Variants in PALS2 observed in about 807,000 individuals in gnomAD.
The protein encoded by PALS2 is protein PALS2.
PALS2 carries 27 observed loss-of-function variants against 61.6 expected under a neutral mutation model. The observed-to-expected ratio is 0.44, with a 90% CI of 0.32 to 0.60. PALS2 has a LOEUF of 0.60. Ranked by LOEUF, PALS2 falls within the 20% of genes least tolerant of loss-of-function variation. The pLI is 0.05. For synonymous variants in PALS2, 236 were observed against 218.6 expected, an observed-to-expected ratio of 1.08 and a Z score of -0.70; for missense variants, 554 against 639.4, an observed-to-expected ratio of 0.87 and a Z score of 1.44.
chr7:24,634,049 T>C (rs1370364524), intron 2 of PALS2, among the ~76,000 whole-genome samples: 1 of 152,182 alleles, frequency 6.6e-6, no homozygotes, highest in Admixed American at 6.5e-5. Flanking sequence ...GTTTAGATTC[T>C]TTGCCCATGT....
At chr7:24,641,641 G>A (rs1243409923) in intron 2 of PALS2, 75 bp from the exon 3 acceptor site, 54 of 1,308,616 alleles carry the variant, frequency 4.1e-5, no homozygotes, top group Middle Eastern at 2.2e-4. Flanking sequence ...AAAACTTTAC[G>A]AAAAAGAAAT....
chr7:24,575,897 A>G (rs1405441137), intron 1 of PALS2, among the ~76,000 whole-genome samples: 1 of 152,230 alleles, frequency 6.6e-6, no homozygotes, highest in Non-Finnish European at 1.5e-5. Flanking sequence ...TGTAAAATTC[A>G]CATTAGGTAT....
intron 1 of PALS2, among the ~76,000 whole-genome samples, chr7:24,594,652 A>T (rs1056491796): frequency 1.3e-5 from 2 of 152,084 alleles, no homozygotes; most frequent in African/African-American, 4.8e-5. Flanking sequence ...CAGAACACAT[A>T]CATTTATCAG....
At chr7:24,686,501 T>C (rs1788211940) in intron 11 of PALS2, among the ~76,000 whole-genome samples, 1 of 152,216 alleles carries the variant, frequency 6.6e-6, no homozygotes, top group Non-Finnish European at 1.5e-5. Flanking sequence ...CTGACCTCCT[T>C]ATTTTCATTT....
At chr7:24,677,169 CTCTG>C (rs984541186) in intron 9 of PALS2, among the ~76,000 whole-genome samples, 26 of 151,968 alleles carry the variant, frequency 1.7e-4, no homozygotes, top group African/African-American at 5.8e-4. Flanking sequence ...TGATTTGGCT[CTCTG>C]TCTGTTGTTG....
At chr7:24,668,043 G>T (rs1787119533) in intron 8 of PALS2, among the ~76,000 whole-genome samples, 1 of 152,012 alleles carries the variant, frequency 6.6e-6, no homozygotes, top group Admixed American at 6.6e-5. Flanking sequence ...ACTGGGGCAG[G>T]CACAGTGGCT....
intron 3 of PALS2, among the ~76,000 whole-genome samples, chr7:24,646,972 A>G (rs959256898): frequency 6.6e-6 from 1 of 151,648 alleles, no homozygotes; most frequent in Non-Finnish European, 1.5e-5. Flanking sequence ...GGTTGTTTTT[A>G]TTTCTGTGGG....
intron 9 of PALS2, among the ~76,000 whole-genome samples, chr7:24,678,820 C>A (rs1787763316): frequency 6.6e-6 from 1 of 151,990 alleles, no homozygotes; most frequent in South Asian, 2.1e-4. Flanking sequence ...TAAAATATTC[C>A]CCTAAGGTAT....
intron 1 of PALS2, among the ~76,000 whole-genome samples, chr7:24,585,976 C>T (rs541629037): frequency 6.6e-6 from 1 of 152,218 alleles, no homozygotes; most frequent in Non-Finnish European, 1.5e-5. Context: ...CAAATTATCT[C>T]CAAAAAGAGC....
At chr7:24,666,218 A>C in intron 8 of PALS2, 129 bp downstream of exon 8, 1 of 708,120 alleles carries the variant, frequency 1.4e-6, no homozygotes, top group East Asian at 2.5e-5. Flanking sequence ...AGGGGCTGAC[A>C]TATGAACACA....
intron 1 of PALS2, among the ~76,000 whole-genome samples, chr7:24,587,785 C>T (rs1783129699): frequency 1.3e-5 from 2 of 152,104 alleles, no homozygotes; most frequent in Admixed American, 6.6e-5. Context: ...CATAAAAGAA[C>T]ACTATAGCAA....
intron 11 of PALS2, among the ~76,000 whole-genome samples, chr7:24,686,062 C>T (rs1788186262): frequency 6.6e-6 from 1 of 152,138 alleles, no homozygotes; most frequent in African/African-American, 2.4e-5. Flanking sequence ...AAATTATGCT[C>T]TCCCTACCCC....
chr7:24,626,284 C>T (rs1421595557), intron 2 of PALS2, among the ~76,000 whole-genome samples: 2 of 151,688 alleles, frequency 1.3e-5, no homozygotes, highest in East Asian at 1.9e-4. Flanking sequence ...TTAGAAAATA[C>T]TCAAGCAAAA....
chr7:24,585,391 T>A (rs948686645), intron 1 of PALS2, among the ~76,000 whole-genome samples: 3 of 152,184 alleles, frequency 2.0e-5, no homozygotes, highest in Admixed American at 1.3e-4. Flanking sequence ...CCCTTGTAAG[T>A]TGGATTCCTA....
At chr7:24,671,794 A>G (rs1461266355) in intron 9 of PALS2, among the ~76,000 whole-genome samples, 1 of 152,124 alleles carries the variant, frequency 6.6e-6, no homozygotes, top group African/African-American at 2.4e-5. Flanking sequence ...GTCAAAAAGA[A>G]TAGTTCTTTC....
chr7:24,582,494 G>A (rs1051677123), intron 1 of PALS2, among the ~76,000 whole-genome samples: 1 of 151,938 alleles, frequency 6.6e-6, no homozygotes, highest in Admixed American at 6.6e-5. Flanking sequence ...ATACTTTATT[G>A]GTATTACCAG....
chr7:24,650,555 G>A lies in PALS2; in HGVS notation c.494G>A (p.Arg165Gln), dbSNP rs752093173. The change falls in exon 5 of 12, where the codon CGA (arginine) becomes CAA (glutamine). Residue 165 changes from arginine to glutamine, a missense_variant. Arg to Gln is a conservative substitution (Grantham distance 43). Transcript: ENST00000222644. ...ATCCTCCATGGGGGAATGATAGATCGACAAGGTCTACTTCATGTGGGAGAT... is the reference window on the plus strand; with the variant it reads ...ATCCTCCATGGGGGAATGATAGATCAACAAGGTCTACTTCATGTGGGAGAT... ...ARILHGGMID[R>Q]QGLLHVGDII... 8.7e-6 allele frequency: 14 copies of A among 1,613,372 alleles called. No homozygotes were observed. In the Admixed American group the frequency reaches 1.2e-4, roughly 13 times the overall value.
chr7:24,621,958 T>C (rs1315171059), intron 1 of PALS2, among the ~76,000 whole-genome samples: 2 of 152,054 alleles, frequency 1.3e-5, no homozygotes, highest in East Asian at 3.8e-4. Flanking sequence ...TATTGAATTG[T>C]CTTGGCACAT....
Position 24,663,735 on chromosome 7 carries a change from T to C in PALS2, c.783+14T>C. On this transcript the variant is annotated intron_variant, in intron 6 of 11. Coordinates refer to ENST00000222644, the MANE Select transcript of PALS2 (RefSeq NM_001303037.2). ...AATTGGTGGCAGGTTAGTATGCTTC[T>C]CAGAAGTTCCTCAGCTACTTTTCTA... 1 of 1,603,486 alleles carries C rather than the reference T, an allele frequency of 6.2e-7. No homozygotes were observed. The highest frequency in any genetic ancestry group is 8.5e-7 in the Non-Finnish European group (1 of 1,172,042).
Sources: gnomAD v4.1 joint callset for allele counts (sites outside exome capture counted in the v4.1 genomes callset) on GRCh38, gnomAD v4.1.1 for gene constraint, MANE v1.5 for transcripts, NCBI Gene and HGNC (gene_info 2026-07-23, HGNC 2026-07-21) for gene names.